FAR1: variants seen among roughly 807,000 people sequenced by gnomAD.
The protein encoded by FAR1 is male sterility domain-containing protein 2.
Under a neutral mutation model 61.1 loss-of-function variants are expected in FAR1, and 22 were observed. The ratio of observed to expected loss-of-function variants is 0.36; its 90% CI spans 0.26 to 0.51. FAR1 has a LOEUF of 0.51. FAR1 is among the 20% of genes least tolerant of loss of function. The probability of loss-of-function intolerance (pLI) is 0.95; values close to 1 mark genes in which losing one functional copy is unlikely to be tolerated. For missense variants in FAR1, 359 were observed against 626.9 expected (o/e 0.57, Z 4.56); for synonymous variants, 206 against 209.7 (o/e 0.98, Z 0.15).
intron 2 of FAR1, among the ~76,000 whole-genome samples, 197 bp downstream of exon 2, chr11:13,695,151 C>G (rs1848295179): frequency 2.0e-5 from 3 of 152,136 alleles, no homozygotes; most frequent in African/African-American, 7.2e-5. Flanking sequence ...AAGTTTTCCT[C>G]TGTGACTGGC....
At chr11:13,722,143 T>C (rs574809190) in intron 10 of FAR1, among the ~76,000 whole-genome samples, 18 of 152,322 alleles carry the variant, frequency 1.2e-4, no homozygotes, top group African/African-American at 3.8e-4. Context: ...ATTTTATCTT[T>C]ATGTGTTTTT....
chr11:13,677,537 A>G (rs1591253811), intron 1 of FAR1, among the ~76,000 whole-genome samples: 2 of 152,206 alleles, frequency 1.3e-5, no homozygotes, highest in South Asian at 4.1e-4. Flanking sequence ...TGGAAGGATC[A>G]TTGACATCCA....
In FAR1 at chr11:13,721,969, T is replaced by C. The variant is rs1848614183; in HGVS notation, c.1257+110T>C. 1.2e-6 allele frequency: 1 copy of C among 831,324 alleles called. No homozygotes were observed. The highest frequency in any genetic ancestry group is 1.8e-6 in the Non-Finnish European group (1 of 557,652). 51.5% of individuals were successfully genotyped at this position (831,324 alleles called of 1,614,324 possible). ...CAGCTATTATGCAACAAGTAAGCCA[T>C]TATTTATAGTCTCTCATAAAGCTTT... On this transcript the variant is annotated intron_variant, in intron 10 of 11. Transcript: ENST00000354817. This position sits in a 1 kb window ranked among gnomAD's most constrained non-coding sequence, Gnocchi z 4.2.
chr11:13,674,740 T>C (rs1357892490), intron 1 of FAR1, among the ~76,000 whole-genome samples: 1 of 152,236 alleles, frequency 6.6e-6, no homozygotes, highest in Non-Finnish European at 1.5e-5. Flanking sequence ...TGAAAAATTT[T>C]TTAAATAAAG....
chr11:13,696,776 G>T (rs1162906232), intron 2 of FAR1, among the ~76,000 whole-genome samples: 1 of 152,118 alleles, frequency 6.6e-6, no homozygotes, highest in Non-Finnish European at 1.5e-5. Context: ...CCATAAAAAT[G>T]AGTCCTTTTT....
At chr11:13,683,263 G>A (rs528022767) in intron 1 of FAR1, among the ~76,000 whole-genome samples, 359 of 151,906 alleles carry the variant, frequency 2.4e-3, no homozygotes, top group Middle Eastern at 6.8e-3. Context: ...CGTGGTGGTG[G>A]GTGCCTGTAA....
chr11:13,684,700 A>G (rs994569346), intron 1 of FAR1, among the ~76,000 whole-genome samples: 1 of 152,238 alleles, frequency 6.6e-6, no homozygotes, highest in African/African-American at 2.4e-5. Flanking sequence ...AGGAAGGAGC[A>G]GTTTATAAGC....
chr11:13,681,366 G>A (rs1848125141), intron 1 of FAR1, among the ~76,000 whole-genome samples: 1 of 152,210 alleles, frequency 6.6e-6, no homozygotes, highest in Non-Finnish European at 1.5e-5. Context: ...GTGACAGACT[G>A]TATTTTCTAA....
chr11:13,691,208 C>G (rs1848246350), intron 1 of FAR1, among the ~76,000 whole-genome samples: 1 of 152,158 alleles, frequency 6.6e-6, no homozygotes, highest in Admixed American at 6.5e-5. Context: ...TGTGTCCTCA[C>G]CTGGCAGAAG....
At chr11:13,705,568 A>G (rs1315341311) in intron 3 of FAR1, among the ~76,000 whole-genome samples, 1 of 152,076 alleles carries the variant, frequency 6.6e-6, no homozygotes, top group African/African-American at 2.4e-5. Flanking sequence ...TTGCAAATGC[A>G]AAAGAAAATA....
chr11:13,688,621 G>A (rs986275559), intron 1 of FAR1, among the ~76,000 whole-genome samples: 1 of 151,940 alleles, frequency 6.6e-6, no homozygotes, highest in African/African-American at 2.4e-5. Flanking sequence ...TACCTAGTAG[G>A]CCCTTAATAA....
At chr11:13,711,622 A>G in intron 5 of FAR1, 142 bp from the exon 6 acceptor site, 1 of 673,942 alleles carries the variant, frequency 1.5e-6, no homozygotes, top group Non-Finnish European at 2.6e-6. Flanking sequence ...TGGTAGAAAT[A>G]GTCTGGCCTG....
intron 1 of FAR1, among the ~76,000 whole-genome samples, chr11:13,671,384 G>T (rs139411820): frequency 6.6e-6 from 1 of 152,330 alleles, no homozygotes; most frequent in African/African-American, 2.4e-5. Flanking sequence ...ATCAACCAAG[G>T]CTATGTTGCA....
At chr11:13,686,268 T>A (rs1264617188) in intron 1 of FAR1, among the ~76,000 whole-genome samples, 1 of 152,218 alleles carries the variant, frequency 6.6e-6, no homozygotes, top group East Asian at 1.9e-4. Flanking sequence ...CTATGTATTT[T>A]TCTCCTCACT....
chr11:13,724,627 G>A (rs1195222387), intron 10 of FAR1, among the ~76,000 whole-genome samples: 1 of 150,810 alleles, frequency 6.6e-6, no homozygotes, highest in Non-Finnish European at 1.5e-5. Context: ...TCCAGTGCCA[G>A]CTTCCTTTCT....
rs1377585837 is a variant in FAR1 at position 13,714,695 on chromosome 11, C to T, written c.1127+15C>T. The T allele has an allele frequency of 3.1e-6, 5 of 1,598,502 alleles. No homozygotes were observed. The highest frequency in any genetic ancestry group is 2.7e-5 in the African/African-American group (2 of 74,026). On this transcript the variant is annotated intron_variant, in intron 9 of 11. Transcript: ENST00000354817. ...AGAAGCCCAAGGTAATGGTGACTAG[C>T]TCTGTCTTATCTGTTCCTCTGTTAA...
chr11:13,700,224 A>T (rs566033321), intron 2 of FAR1, 93 bp from the exon 3 acceptor site: 9 of 907,482 alleles, frequency 9.9e-6, no homozygotes, highest in African/African-American at 1.8e-5. Context: ...TTTCTAAAAA[A>T]ATAGTCATCC....
At chr11:13,670,727 T>TG (rs1327502183) in intron 1 of FAR1, among the ~76,000 whole-genome samples, 2 of 152,000 alleles carry the variant, frequency 1.3e-5, no homozygotes, top group Non-Finnish European at 2.9e-5. Flanking sequence ...TTTTTTTTTT[T>TG]TTCACTCAGG....
chr11:13,677,793 A>AT (rs1565338162), intron 1 of FAR1, among the ~76,000 whole-genome samples: 1 of 152,204 alleles, frequency 6.6e-6, no homozygotes, highest in East Asian at 1.9e-4. Context: ...AGGTATAAGC[A>AT]TTTTTTGGGA....
Sources: gnomAD v4.1 joint callset for allele counts (sites outside exome capture counted in the v4.1 genomes callset) on GRCh38, gnomAD v4.1.1 for gene constraint, Gnocchi (gnomAD v3.1) non-coding constraint, MANE v1.5 for transcripts, NCBI Gene and HGNC (gene_info 2026-07-23, HGNC 2026-07-21) for gene names.